Variants in SEL1L3 observed in about 807,000 individuals in gnomAD.
SEL1L3 encodes the protein protein sel-1 homolog 3.
SEL1L3 carries 76 observed loss-of-function variants against 142.8 expected under a neutral mutation model. The observed-to-expected ratio is 0.53, with a 90% confidence interval of 0.44 to 0.64. The LOEUF (loss-of-function observed/expected upper bound fraction) is 0.64. SEL1L3 is among the 30% of genes least tolerant of loss of function. The pLI, the probability that SEL1L3 is intolerant of heterozygous loss-of-function variation, is 0.00. For missense variants in SEL1L3, 1,262 were observed against 1,381.7 expected (o/e 0.91, Z 1.37); for synonymous variants, 504 against 519.6 (o/e 0.97, Z 0.41).
chr4:25,763,562 G>T (rs1353431310), intron 20 of SEL1L3, among the ~76,000 whole-genome samples: 1 of 151,998 alleles, frequency 6.6e-6, no homozygotes, highest in Non-Finnish European at 1.5e-5. Flanking sequence ...AAATAGAAAA[G>T]ATTGGCTGGA....
intron 8 of SEL1L3, among the ~76,000 whole-genome samples, chr4:25,818,813 TGA>T (rs1409223694): frequency 5.3e-5 from 8 of 152,142 alleles, no homozygotes; most frequent in African/African-American, 1.7e-4. Context: ...GATTCAGCAG[TGA>T]GAGCAGCAGC....
intron 1 of SEL1L3, among the ~76,000 whole-genome samples, chr4:25,859,658 ATTTGGC>A (rs1322120680): frequency 6.6e-6 from 1 of 152,178 alleles, no homozygotes; most frequent in East Asian, 1.9e-4. Context: ...ATCATAGGCA[ATTTGGC>A]TTTGGAATGC....
At chr4:25,723,241 C>T in the SEL1L3 span, among the ~76,000 whole-genome samples, 1 of 152,168 alleles carries the variant, frequency 6.6e-6, no homozygotes, top group African/African-American at 2.4e-5. Context: ...ATTAGGAGAA[C>T]ATCTGAGCCC....
the SEL1L3 span, among the ~76,000 whole-genome samples, chr4:25,716,983 C>T: frequency 2.3e-3 from 349 of 151,964 alleles, 1 homozygote; most frequent in Middle Eastern, 0.014. Flanking sequence ...AAAAATTAGC[C>T]GGGCATGGTA....
intron 7 of SEL1L3, among the ~76,000 whole-genome samples, chr4:25,821,105 A>G (rs1714722061): frequency 6.6e-6 from 1 of 152,234 alleles, no homozygotes; most frequent in Non-Finnish European, 1.5e-5. Flanking sequence ...CTCAACACCT[A>G]GTTCAAAGCC....
intron 16 of SEL1L3, 107 bp downstream of exon 16, chr4:25,778,969 T>C (rs1577589587): frequency 3.3e-6 from 3 of 897,550 alleles, no homozygotes; most frequent in South Asian, 5.0e-5. Context: ...TAAAACTACA[T>C]GCATGTACAA....
At chr4:25,862,563 G>C (rs1717797593) in intron 1 of SEL1L3, 112 bp downstream of exon 1, 1 of 504,742 alleles carries the variant, frequency 2.0e-6, no homozygotes, top group Admixed American at 4.8e-5. Context: ...GAGGAAGAGA[G>C]AAAACTAGCA....
In SEL1L3 at chr4:25,804,520, T is replaced by C. The variant is rs562216561; in HGVS notation, c.1776+21A>G. ...ATATAATGCAAGTGACTGATGTTAA[T>C]GGAGCAATGAAATACTCTACCTGCA... On this transcript the variant is annotated intron_variant, in intron 10 of 23. Transcript: ENST00000399878. The C allele has an allele frequency of 5.2e-6, 8 of 1,545,476 alleles. No homozygotes were observed. In the South Asian group the frequency reaches 9.2e-5, roughly 18 times the overall value.
chr4:25,718,753 T>C, the SEL1L3 span: 7 of 152,304 alleles, frequency 4.6e-5, no homozygotes, highest in East Asian at 9.7e-4. Flanking sequence ...CAAGAACTAT[T>C]GAGCTTCTAT....
chr4:25,758,013 AG>A (rs1299663831), intron 21 of SEL1L3, among the ~76,000 whole-genome samples: 1 of 152,234 alleles, frequency 6.6e-6, no homozygotes, highest in African/African-American at 2.4e-5. Context: ...GAAAAAGGTC[AG>A]TTTTGTGCTT....
intron 11 of SEL1L3, among the ~76,000 whole-genome samples, chr4:25,794,788 A>G (rs1368515044): frequency 6.6e-6 from 1 of 152,210 alleles, no homozygotes; most frequent in East Asian, 1.9e-4. Flanking sequence ...AGCAATAGCA[A>G]AGACATGGAA....
At chr4:25,751,379 G>A (rs1717578148) in intron 23 of SEL1L3, among the ~76,000 whole-genome samples, 1 of 152,088 alleles carries the variant, frequency 6.6e-6, no homozygotes, top group Non-Finnish European at 1.5e-5. Flanking sequence ...AATGACGCTT[G>A]GCTTTGGCAA....
intron 2 of SEL1L3, among the ~76,000 whole-genome samples, chr4:25,845,781 A>C (rs1716465887): frequency 6.6e-6 from 1 of 152,150 alleles, no homozygotes; most frequent in Non-Finnish European, 1.5e-5. Context: ...AATGTCAGGC[A>C]CTTCCTGTGG....
At chr4:25,815,660 G>A (rs1039877222) in intron 9 of SEL1L3, among the ~76,000 whole-genome samples, 9 of 152,124 alleles carry the variant, frequency 5.9e-5, no homozygotes, top group South Asian at 2.1e-4. Flanking sequence ...TCCAACATGC[G>A]TCTCCCTCTC....
At chr4:25,782,155 G>T in intron 15 of SEL1L3, 87 bp downstream of exon 15, 1 of 1,156,194 alleles carries the variant, frequency 8.6e-7, no homozygotes, top group Non-Finnish European at 1.3e-6. Flanking sequence ...GTCTGGGGTT[G>T]GGTCTGGTGC....
chr4:25,738,141 AAC>A, the SEL1L3 span, among the ~76,000 whole-genome samples: 1 of 152,146 alleles, frequency 6.6e-6, no homozygotes, highest in Non-Finnish European at 1.5e-5. Context: ...CCTCCGCCTG[AAC>A]CTCCCAAAGT....
chr4:25,755,085 T>C (rs140193905), intron 23 of SEL1L3, among the ~76,000 whole-genome samples: 2 of 152,208 alleles, frequency 1.3e-5, no homozygotes, highest in African/African-American at 4.8e-5. Context: ...TCTTTTTTTT[T>C]AACTTCTACT....
intron 6 of SEL1L3, among the ~76,000 whole-genome samples, chr4:25,824,764 C>A (rs575873071): frequency 1.3e-5 from 2 of 152,316 alleles, no homozygotes; most frequent in African/African-American, 4.8e-5. Flanking sequence ...ATACCATTTA[C>A]TTACATATGT....
Position 25,779,197 on chromosome 4 carries a change from C to T in SEL1L3, c.2464G>A (p.Ala822Thr). Residue 822 changes from alanine (A) to threonine (T), a missense_variant, in exon 16 of 24, where the codon GCT (alanine) becomes ACT (threonine). Transcript: ENST00000399878. The part of the protein sequence containing the change: ...PGVPGRNQTL[A>T]GEYFHKAAQG... Reference sequence around the variant, plus strand: ...GCAGCCTTATGGAAATATTCACCAGCTAAAGTCTGTAACAAGAGATGAACA... The same window carrying T: ...GCAGCCTTATGGAAATATTCACCAGTTAAAGTCTGTAACAAGAGATGAACA... 1 of 1,613,148 alleles carries T rather than the reference C, an allele frequency of 6.2e-7. No homozygotes were observed.
Sources: gnomAD v4.1 joint callset for allele counts (sites outside exome capture counted in the v4.1 genomes callset) on GRCh38, gnomAD v4.1.1 for gene constraint, MANE v1.5 for transcripts, NCBI Gene and HGNC (gene_info 2026-07-23, HGNC 2026-07-21) for gene names.